PRKG1: variants seen among roughly 807,000 people sequenced by gnomAD.
PRKG1 encodes cGMP-dependent protein kinase 1.
PRKG1 carries 35 observed loss-of-function variants against 88.1 expected under a neutral mutation model. The ratio of observed to expected loss-of-function variants is 0.40; its 90% CI spans 0.30 to 0.53. The LOEUF (loss-of-function observed/expected upper bound fraction) is 0.53, where lower values mean the gene tolerates loss of function less well. Ranked by LOEUF, PRKG1 falls within the 20% of genes least tolerant of loss-of-function variation. The pLI, the probability that PRKG1 is intolerant of heterozygous loss-of-function variation, is 0.59. For missense variants in PRKG1, 540 were observed against 839.8 expected, an observed-to-expected ratio of 0.64 and a Z score of 4.41; for synonymous variants, 303 against 292.5, an observed-to-expected ratio of 1.04 and a Z score of -0.37.
chr10:52,024,320 T>TTGTG (rs900102045), intron 5 of PRKG1, among the ~76,000 whole-genome samples: 38 of 91,402 alleles, frequency 4.2e-4, no homozygotes, highest in African/African-American at 1.7e-3. Flanking sequence ...TATTTAACTT[T>TTGTG]TTTTTTTATT....
chr10:51,310,358 T>C (rs550626000), intron 2 of PRKG1, among the ~76,000 whole-genome samples: 2 of 152,288 alleles, frequency 1.3e-5, no homozygotes, highest in African/African-American at 4.8e-5. Context: ...AAGAACCTAT[T>C]ATGAACATTG....
intron 9 of PRKG1, among the ~76,000 whole-genome samples, chr10:52,249,987 C>T (rs1246719396): frequency 6.6e-6 from 1 of 152,214 alleles, no homozygotes; most frequent in African/African-American, 2.4e-5. Context: ...TGACCACATA[C>T]AGTCACAGGG....
intron 9 of PRKG1, among the ~76,000 whole-genome samples, chr10:52,201,705 C>A (rs558876724): frequency 1.3e-5 from 2 of 151,888 alleles, no homozygotes; most frequent in Non-Finnish European, 2.9e-5. Flanking sequence ...TTTTTCATTT[C>A]TTTATGTCAT....
chr10:51,271,665 C>T (rs1349838914), intron 2 of PRKG1, among the ~76,000 whole-genome samples: 1 of 152,138 alleles, frequency 6.6e-6, no homozygotes, highest in Non-Finnish European at 1.5e-5. Flanking sequence ...TGTTCTTCTG[C>T]ATACTTCCTT....
chr10:52,047,453 T>C (rs1218403524), intron 5 of PRKG1, among the ~76,000 whole-genome samples: 1 of 152,146 alleles, frequency 6.6e-6, no homozygotes, highest in African/African-American at 2.4e-5. Context: ...ACAGATGTGA[T>C]AGCTAACTGG....
intron 2 of PRKG1, among the ~76,000 whole-genome samples, chr10:51,258,787 T>C (rs565643092): frequency 2.0e-5 from 3 of 152,236 alleles, no homozygotes; most frequent in Non-Finnish European, 4.4e-5. Flanking sequence ...ATTACAAATC[T>C]ACCCACTTGG....
In PRKG1 at chr10:51,201,356, G is replaced by A. The variant is rs146600114; in HGVS notation, c.478+48026G>A. On this transcript the variant is annotated intron_variant, in intron 2 of 17. Transcript: ENST00000373980. ...AATCCCAGCTACTCAGGGGGCCGAGGCAGGAGAATCACTTGAACCTGGGTG... is the reference window on the plus strand; with the variant it reads ...AATCCCAGCTACTCAGGGGGCCGAGACAGGAGAATCACTTGAACCTGGGTG... Among the ~76,000 whole-genome samples, 7 of 152,228 alleles carry A rather than the reference G, an allele frequency of 4.6e-5. 1 individual carries two copies. The highest frequency in any genetic ancestry group is 4.6e-4 in the Admixed American group (7 of 15,290).
chr10:51,278,149 A>G (rs574997176), intron 2 of PRKG1, among the ~76,000 whole-genome samples: 1 of 152,342 alleles, frequency 6.6e-6, no homozygotes. Context: ...ATTTATTGAG[A>G]GTTTTTAGCA....
chr10:51,010,905 C>T (rs995886154), intron 1 of PRKG1, among the ~76,000 whole-genome samples: 5 of 152,122 alleles, frequency 3.3e-5, no homozygotes, highest in Non-Finnish European at 7.3e-5. Flanking sequence ...AAAATAAATA[C>T]TTGGTTTACA....
At chr10:51,487,180 A>G (rs1343302592) in intron 3 of PRKG1, among the ~76,000 whole-genome samples, 1 of 152,174 alleles carries the variant, frequency 6.6e-6, no homozygotes, top group Non-Finnish European at 1.5e-5. Flanking sequence ...ATCTTATAAT[A>G]TTGAGAATGT....
chr10:51,983,237 G>A (rs185401458), intron 5 of PRKG1, among the ~76,000 whole-genome samples: 21 of 152,270 alleles, frequency 1.4e-4, no homozygotes, highest in Non-Finnish European at 2.4e-4. Context: ...CAGGGCATGG[G>A]GACAGAGTGA....
chr10:51,314,846 A>G (rs929324247), intron 2 of PRKG1, among the ~76,000 whole-genome samples: 4 of 152,190 alleles, frequency 2.6e-5, no homozygotes, highest in Non-Finnish European at 4.4e-5. Context: ...TAAGTTTACA[A>G]CATGAGAGAG....
intron 2 of PRKG1, among the ~76,000 whole-genome samples, chr10:51,300,262 C>T (rs376931113): frequency 6.6e-6 from 1 of 152,182 alleles, no homozygotes; most frequent in African/African-American, 2.4e-5. Context: ...CAGCTGCTCT[C>T]CATGCAGCTT....
intron 9 of PRKG1, among the ~76,000 whole-genome samples, chr10:52,163,032 G>A (rs1838319645): frequency 6.6e-6 from 1 of 151,990 alleles, no homozygotes; most frequent in Admixed American, 6.6e-5. Context: ...TTGATATTCA[G>A]TTTAGACTTC....
intron 2 of PRKG1, among the ~76,000 whole-genome samples, chr10:51,296,126 T>A (rs1840715053): frequency 6.6e-6 from 1 of 152,156 alleles, no homozygotes; most frequent in African/African-American, 2.4e-5. Flanking sequence ...AATATTTGCT[T>A]TTAGTTTCCT....
intron 1 of PRKG1, among the ~76,000 whole-genome samples, chr10:51,032,865 A>G (rs558623471): frequency 6.6e-6 from 1 of 152,290 alleles, no homozygotes; most frequent in East Asian, 1.9e-4. Flanking sequence ...TTTAAAAATA[A>G]AAATTGTGGG....
chr10:51,085,576 C>T (rs775712308), intron 1 of PRKG1, among the ~76,000 whole-genome samples: 28 of 151,742 alleles, frequency 1.8e-4, no homozygotes, highest in Non-Finnish European at 2.8e-4. Context: ...TAGAAAAGTA[C>T]GCCCAAAGAC....
chr10:51,659,491 G>A (rs1401523586), intron 3 of PRKG1, among the ~76,000 whole-genome samples: 1 of 152,046 alleles, frequency 6.6e-6, no homozygotes, highest in Non-Finnish European at 1.5e-5. Context: ...TTGTTTTCAG[G>A]CAAAATCAAG....
At chr10:51,920,336 C>G (rs1340824499) in intron 5 of PRKG1, among the ~76,000 whole-genome samples, 1 of 152,112 alleles carries the variant, frequency 6.6e-6, no homozygotes, top group Non-Finnish European at 1.5e-5. Flanking sequence ...TGTTGATTTT[C>G]CAGTATAAGG....
Sources: gnomAD v4.1 joint callset for allele counts (sites outside exome capture counted in the v4.1 genomes callset) on GRCh38, gnomAD v4.1.1 for gene constraint, MANE v1.5 for transcripts, NCBI Gene and HGNC (gene_info 2026-07-23, HGNC 2026-07-21) for gene names.